Variants in NHS observed in about 807,000 individuals in gnomAD.
The protein encoded by NHS is actin remodeling regulator NHS.
Under a neutral mutation model 72.5 loss-of-function variants are expected in NHS, and 5 were observed. That is an observed-to-expected ratio of 0.07 (90% CI 0.04 to 0.14). NHS has a LOEUF of 0.14. Ranked by LOEUF, NHS falls within the 10% of genes least tolerant of loss-of-function variation. NHS has a pLI of 1.00. For synonymous variants in NHS, 464 were observed against 547.7 expected (o/e 0.85, Z 2.13); for missense variants, 1,072 against 1,355.7 (o/e 0.79, Z 3.29).
At chrX:17,447,835 C>T (rs901985037) in intron 1 of NHS, among the ~76,000 whole-genome samples, 2 of 108,838 alleles carry the variant, frequency 1.8e-5, no homozygotes, top group African/African-American at 6.8e-5. Flanking sequence ...TTTTCTGGTT[C>T]TTTCTTCTTT....
intron 3 of NHS, among the ~76,000 whole-genome samples, chrX:17,698,701 C>T (rs1289574829): frequency 2.7e-5 from 3 of 111,368 alleles, no homozygotes; most frequent in East Asian, 5.6e-4. Flanking sequence ...CATTAGCAAA[C>T]AGAATATAAC....
intron 1 of NHS, among the ~76,000 whole-genome samples, chrX:17,593,286 G>A (rs375893197): frequency 9.0e-6 from 1 of 111,314 alleles, no homozygotes; most frequent in African/African-American, 3.3e-5. Context: ...TAACATATAT[G>A]TCAAGCACCT....
intron 1 of NHS, among the ~76,000 whole-genome samples, chrX:17,463,585 G>A (rs952403752): frequency 4.5e-5 from 5 of 111,640 alleles, no homozygotes; most frequent in Non-Finnish European, 9.4e-5. Context: ...GTGGCCTCTT[G>A]TGATCCCTGA....
chrX:17,687,975 C>A, intron 2 of NHS, 81 bp downstream of exon 2: 1 of 999,904 alleles, frequency 1.0e-6, no homozygotes, highest in Non-Finnish European at 1.4e-6. Flanking sequence ...TCCCATCAGC[C>A]CCAACACACC....
At chrX:17,588,171 C>CGGTTCAA (rs984153408) in intron 1 of NHS, among the ~76,000 whole-genome samples, 6 of 111,447 alleles carry the variant, frequency 5.4e-5, no homozygotes, top group African/African-American at 2.0e-4. Flanking sequence ...CAAAATAACA[C>CGGTTCAA]GGTTCAAAAG....
At chrX:17,396,925 A>T (rs910519197) in intron 1 of NHS, among the ~76,000 whole-genome samples, 2 of 112,024 alleles carry the variant, frequency 1.8e-5, no homozygotes, top group Non-Finnish European at 3.8e-5. Flanking sequence ...TCTGATCCAG[A>T]TTGCATTTTT....
At chrX:17,410,961 C>A (rs1367126415) in intron 1 of NHS, among the ~76,000 whole-genome samples, 1 of 111,370 alleles carries the variant, frequency 9.0e-6, no homozygotes, top group Non-Finnish European at 1.9e-5. Flanking sequence ...GGTGGAGATA[C>A]GTCCAACTAT....
intron 1 of NHS, among the ~76,000 whole-genome samples, chrX:17,414,222 A>G (rs1452660898): frequency 1.8e-5 from 2 of 112,225 alleles, no homozygotes; most frequent in South Asian, 3.7e-4. Flanking sequence ...AAAACCACTG[A>G]CATTCTCTTA....
intron 3 of NHS, among the ~76,000 whole-genome samples, chrX:17,712,876 A>T (rs1019692427): frequency 9.0e-6 from 1 of 111,590 alleles, no homozygotes; most frequent in Non-Finnish European, 1.9e-5. Flanking sequence ...GAGTGGTGAC[A>T]AAGGTCAAAC....
intron 1 of NHS, among the ~76,000 whole-genome samples, chrX:17,561,572 GCGCACACACACACA>G (rs1175552694): frequency 5.0e-5 from 3 of 60,229 alleles, no homozygotes; most frequent in Non-Finnish European, 8.7e-5. Context: ...GCGCGCGCGC[GCGCACACACACACA>G]CACACACACA....
At chrX:17,659,882 C>T (rs750136819) in intron 1 of NHS, among the ~76,000 whole-genome samples, 2 of 112,016 alleles carry the variant, frequency 1.8e-5, no homozygotes, top group African/African-American at 6.5e-5. Context: ...CAAGGTTTTA[C>T]GGCAAACAAG....
intron 1 of NHS, among the ~76,000 whole-genome samples, chrX:17,606,867 A>T (rs2065682450): frequency 8.9e-6 from 1 of 112,486 alleles, no homozygotes; most frequent in South Asian, 3.7e-4. Context: ...GCCAACATTT[A>T]TCGAGCACTT....
At chrX:17,388,829 A>C (rs112314924) in intron 1 of NHS, among the ~76,000 whole-genome samples, 4,192 of 110,209 alleles carry the variant, frequency 0.038, 214 homozygotes, top group African/African-American at 0.13. Context: ...AGAAGCCAGG[A>C]GACCAAGTAG....
chrX:17,717,837 A>G (rs1202732480), intron 3 of NHS, among the ~76,000 whole-genome samples: 1 of 111,827 alleles, frequency 8.9e-6, no homozygotes, highest in Non-Finnish European at 1.9e-5. Flanking sequence ...TAGAGAAGGA[A>G]ATTACACATA....
At chrX:17,730,620 A>G (rs1329807838) in intron 8 of NHS, among the ~76,000 whole-genome samples, 1 of 112,380 alleles carries the variant, frequency 8.9e-6, no homozygotes, top group East Asian at 2.8e-4. Context: ...AAGATCCACC[A>G]AATTTATGCC....
At chrX:17,461,943 C>A (rs2064849472) in intron 1 of NHS, among the ~76,000 whole-genome samples, 1 of 111,262 alleles carries the variant, frequency 9.0e-6, no homozygotes, top group Non-Finnish European at 1.9e-5. Context: ...CAACAGAGTC[C>A]CAGTTCCTAA....
intron 1 of NHS, among the ~76,000 whole-genome samples, chrX:17,488,543 T>A: frequency 8.9e-6 from 1 of 111,991 alleles, no homozygotes; most frequent in African/African-American, 3.2e-5. Context: ...CATGGACCCC[T>A]GGGCAGGCTG....
chrX:17,515,978 G>A (rs1341426425), intron 1 of NHS, among the ~76,000 whole-genome samples: 1 of 108,423 alleles, frequency 9.2e-6, no homozygotes, highest in Admixed American at 1.0e-4. Flanking sequence ...CTGGTCCAGC[G>A]TAGAAATGGG....
At chrX:17,593,576 T>A (rs1460256791) in intron 1 of NHS, among the ~76,000 whole-genome samples, 1 of 110,947 alleles carries the variant, frequency 9.0e-6, no homozygotes, top group Non-Finnish European at 1.9e-5. Flanking sequence ...CCTAGTTGTT[T>A]TGATAGGAGA....
Sources: gnomAD v4.1 joint callset for allele counts (sites outside exome capture counted in the v4.1 genomes callset) on GRCh38, gnomAD v4.1.1 for gene constraint, MANE v1.5 for transcripts, NCBI Gene and HGNC (gene_info 2026-07-23, HGNC 2026-07-21) for gene names.